RNASEH1: variants seen among roughly 807,000 people sequenced by gnomAD.
RNASEH1 encodes ribonuclease H type II.
A neutral mutation model predicts 34.6 loss-of-function variants in RNASEH1; 27 were observed. That is an observed-to-expected ratio of 0.78 (90% CI 0.58 to 1.08). RNASEH1 has a LOEUF of 1.08. RNASEH1 is among the 50% of genes least tolerant of loss of function. The pLI is 0.00. For synonymous variants in RNASEH1, 162 were observed against 138.4 expected, an observed-to-expected ratio of 1.17 and a Z score of -1.20; for missense variants, 349 against 373.6, an observed-to-expected ratio of 0.93 and a Z score of 0.54.
the RNASEH1 span, among the ~76,000 whole-genome samples, chr2:3,534,434 C>A: frequency 6.6e-6 from 1 of 152,238 alleles, no homozygotes; most frequent in East Asian, 1.9e-4. Flanking sequence ...CTCCCTGAAC[C>A]AGGGCTGTAG....
intron 7 of RNASEH1, 52 bp from the exon 8 acceptor site, chr2:3,545,923 C>G: frequency 1.6e-6 from 2 of 1,266,044 alleles, no homozygotes; most frequent in South Asian, 2.4e-5. Flanking sequence ...ACATAAGCAA[C>G]ACATGACTAT....
Position 3,545,849 on chromosome 2 carries a change from CCCGAATGA to C in RNASEH1, c.789_796del (p.His264IlefsTer5). On this transcript the variant is annotated frameshift_variant, in exon 8 of 8. Transcript: ENST00000315212. LOFTEE classifies it high-confidence loss of function. Reference sequence around the variant, plus strand: ...GTCAGCTTCTTCATTGCCTATAAATCCCGAATGACCAGGAACATGCATCTGTTAAGATA... The same window carrying C: ...GTCAGCTTCTTCATTGCCTATAAATCCCAGGAACATGCATCTGTTAAGATA... 1 of 1,613,130 alleles carries C rather than the reference CCCGAATGA, an allele frequency of 6.2e-7. No individual in the cohort carries two copies. The highest frequency in any genetic ancestry group is 1.1e-5 in the South Asian group (1 of 91,054).
At position 3,541,910 on chromosome 2, in the gene RNASEH1, T is replaced by C. The variant is rs2103280793; in HGVS notation, c.*3875A>G. On this transcript the variant is annotated 3_prime_UTR_variant, in exon 8 of 8. Transcript: ENST00000315212. ...GCTCACACCTGTAATCCCAGCACTTTGGGAGGCCAAGGAAGGAGGATCGCT... is the reference window on the plus strand; with the variant it reads ...GCTCACACCTGTAATCCCAGCACTTCGGGAGGCCAAGGAAGGAGGATCGCT... Among the ~76,000 whole-genome samples the C allele has an allele frequency of 6.6e-6, 1 of 152,322 alleles. No individual in the cohort carries two copies. Among genetic ancestry groups the C allele is most frequent in the Non-Finnish European group, 1.5e-5 (1 of 68,040 alleles).
chr2:3,543,500 AAAGC>A lies in RNASEH1; in HGVS notation c.*2281_*2284del, dbSNP rs1294494103. On this transcript the variant is annotated 3_prime_UTR_variant, in exon 8 of 8. Coordinates refer to ENST00000315212, the MANE Select transcript of RNASEH1 (RefSeq NM_002936.6). ...CACACATGTGCACACTTATCAAAAG[AAAGC>A]AAGAGCCAAGCTGAAGAGGCTCCCT... Among the ~76,000 whole-genome samples, 1 of 152,130 alleles carries A rather than the reference AAAGC, an allele frequency of 6.6e-6. No individual in the cohort carries two copies.
chr2:3,540,134 C>T (rs1312206444), downstream of RNASEH1, among the ~76,000 whole-genome samples: 1 of 152,152 alleles, frequency 6.6e-6, no homozygotes, highest in African/African-American at 2.4e-5. Context: ...CCTATTAAAG[C>T]AGCACCAGTT....
intron 2 of RNASEH1, among the ~76,000 whole-genome samples, chr2:3,552,969 C>A (rs1572325566): frequency 6.6e-6 from 1 of 152,284 alleles, no homozygotes; most frequent in South Asian, 2.1e-4. Context: ...CTTGAATAAA[C>A]AGATAATGGG....
downstream of RNASEH1, among the ~76,000 whole-genome samples, chr2:3,539,796 C>A (rs537481770): frequency 1.3e-5 from 2 of 152,170 alleles, no homozygotes; most frequent in African/African-American, 4.8e-5. Context: ...AAATCTACCC[C>A]GAGGCCCTCC....
chr2:3,534,744 C>A, the RNASEH1 span, among the ~76,000 whole-genome samples: 4 of 152,238 alleles, frequency 2.6e-5, no homozygotes, highest in African/African-American at 9.6e-5. Flanking sequence ...GGGGCGCCAG[C>A]GGCCATGGAG....
At chr2:3,550,493 T>C (rs1195888362) in intron 3 of RNASEH1, 21 bp from the exon 4 acceptor site, 7 of 1,583,440 alleles carry the variant, frequency 4.4e-6, no homozygotes, top group Non-Finnish European at 6.1e-6. Context: ...AGGAAGTACA[T>C]GCTGCTGGGC....
intron 2 of RNASEH1, among the ~76,000 whole-genome samples, chr2:3,553,393 AAT>A (rs1405242973): frequency 1.3e-5 from 2 of 151,830 alleles, no homozygotes; most frequent in East Asian, 3.9e-4. Context: ...GTTAATCCCA[AAT>A]AGTTTTTTTT....
At chr2:3,537,740 G>A (rs78410777), downstream of RNASEH1, among the ~76,000 whole-genome samples, 1 of 151,828 alleles carries the variant, frequency 6.6e-6, no homozygotes, top group Non-Finnish European at 1.5e-5. Flanking sequence ...AAAAAAAGAT[G>A]AAAGAAAATC....
intron 3 of RNASEH1, among the ~76,000 whole-genome samples, chr2:3,551,824 G>A (rs901118316): frequency 2.0e-4 from 31 of 152,316 alleles, no homozygotes; most frequent in Non-Finnish European, 4.3e-4. Context: ...AAGCAGCTGC[G>A]TGTGAGGTGT....
At chr2:3,552,715 T>C (rs1558457035) in intron 2 of RNASEH1, among the ~76,000 whole-genome samples, 1 of 151,750 alleles carries the variant, frequency 6.6e-6, no homozygotes, top group African/African-American at 2.4e-5. Context: ...ATCAGTGGTG[T>C]TGCTGGGCGC....
intron 3 of RNASEH1, among the ~76,000 whole-genome samples, chr2:3,550,924 T>C (rs1046581737): frequency 6.6e-6 from 1 of 152,206 alleles, no homozygotes; most frequent in Admixed American, 6.5e-5. Flanking sequence ...CCCTGGCATA[T>C]TTGCTGCTAG....
At position 3,558,111 on chromosome 2, in the gene RNASEH1, C is replaced by A. The variant is rs1378374985; in HGVS notation, c.128+22G>T. ...CGACCCCGATGCCGGCAGGGAGGCG[C>A]CTCGGCGGGCGGGCCACTCACCAGG... is the stretch of plus-strand genomic sequence containing the variant. On this transcript the variant is annotated intron_variant, in intron 1 of 7. Transcript: ENST00000315212. 2.5e-6 allele frequency: 4 copies of A among 1,575,782 alleles called. No homozygotes were observed. In the East Asian group the frequency reaches 7.0e-5, roughly 28 times the overall value.
Position 3,552,276 on chromosome 2 carries a change from C to T in RNASEH1, c.277G>A (p.Ala93Thr), listed in dbSNP as rs763482126. ...HENQHGQESE[A>T]KASKRLREPL... is the part of the protein sequence containing the mutation. ...TCACGGAGTCGCTTGCTGGCTTTCG[C>T]CTCCGATTCTTGTCCATGTTGATTT... The change falls in exon 3 of 8, where the codon GCG (alanine) becomes ACG (threonine). Residue 93 changes from alanine (A) to threonine (T), a missense_variant. Transcript: ENST00000315212. The T allele has an allele frequency of 5.6e-6, 9 of 1,614,052 alleles. No individual in the cohort carries two copies. The highest frequency in any genetic ancestry group is 7.6e-6 in the Non-Finnish European group (9 of 1,179,996).
In RNASEH1 at chr2:3,550,343, T is replaced by G. The variant is rs555568444; in HGVS notation, c.509+30A>C. 2.7e-6 allele frequency: 4 copies of G among 1,508,174 alleles called. No homozygotes were observed. In the South Asian group the frequency reaches 4.5e-5, roughly 17 times the overall value. 93.4% of individuals were successfully genotyped at this position (1,508,174 alleles called of 1,614,324 possible). On this transcript the variant is annotated intron_variant, in intron 4 of 7. Transcript: ENST00000315212. ...TCTTTTCACAAGTTGTGGAACATGA[T>G]TCAGTAAAACTCAGCTTCGTTTAAC... is the stretch of plus-strand genomic sequence containing the variant.
chr2:3,548,612 A>C, intron 6 of RNASEH1, 28 bp downstream of exon 6: 1 of 1,467,392 alleles, frequency 6.8e-7, no homozygotes, highest in Non-Finnish European at 9.5e-7. Flanking sequence ...TACTGGAAAA[A>C]CAGAAGAAAT....
intron 5 of RNASEH1, 137 bp downstream of exon 5, chr2:3,548,921 T>C (rs1362653788): frequency 2.3e-6 from 2 of 885,594 alleles, no homozygotes; most frequent in Non-Finnish European, 3.6e-6. Context: ...AAAATTCCTA[T>C]TTTTCAAAAT....
Sources: allele counts gnomAD v4.1 joint callset (sites outside exome capture counted in the v4.1 genomes callset), GRCh38; gene constraint gnomAD v4.1.1; transcripts MANE v1.5; gene names NCBI Gene and HGNC (gene_info 2026-07-23, HGNC 2026-07-21).